FHIT: variants seen among roughly 807,000 people sequenced by gnomAD.
FHIT encodes bis(5'-adenosyl)-triphosphatase.
FHIT carries 19 observed loss-of-function variants against 17.9 expected under a neutral mutation model. The ratio of observed to expected loss-of-function variants is 1.06; its 90% CI spans 0.74 to 1.56. The LOEUF is 1.56. Among genes scored for constraint, FHIT ranks in the 40% most tolerant of loss-of-function variants. The pLI is 0.00. For synonymous variants in FHIT, 81 were observed against 69.7 expected (o/e 1.16, Z -0.81); for missense variants, 248 against 189.2 (o/e 1.31, Z -1.82).
At chr3:60,853,586 G>A (rs1575599156) in intron 3 of FHIT, among the ~76,000 whole-genome samples, 1 of 152,066 alleles carries the variant, frequency 6.6e-6, no homozygotes, top group Non-Finnish European at 1.5e-5. Flanking sequence ...TCTTCTGAGG[G>A]ATAATAAATT....
At chr3:60,857,465 C>T (rs1368735269) in intron 3 of FHIT, among the ~76,000 whole-genome samples, 1 of 152,076 alleles carries the variant, frequency 6.6e-6, no homozygotes, top group Non-Finnish European at 1.5e-5. Flanking sequence ...CCTTAGTTTC[C>T]TCATCTTTAA....
chr3:60,668,231 T>C (rs1553692941), intron 4 of FHIT, among the ~76,000 whole-genome samples: 1 of 151,650 alleles, frequency 6.6e-6, no homozygotes, highest in South Asian at 2.1e-4. Flanking sequence ...TATTTCTTGG[T>C]GGAAAGGGAG....
intron 5 of FHIT, among the ~76,000 whole-genome samples, chr3:60,131,756 G>A (rs1415188620): frequency 6.6e-6 from 1 of 152,050 alleles, no homozygotes; most frequent in African/African-American, 2.4e-5. Flanking sequence ...CCCTACTGCT[G>A]AGACAGCAGC....
intron 7 of FHIT, among the ~76,000 whole-genome samples, chr3:60,001,552 G>C (rs1054324648): frequency 1.3e-5 from 2 of 152,170 alleles, no homozygotes; most frequent in Admixed American, 1.3e-4. Flanking sequence ...AGATCAGAGC[G>C]ATTCAGAACT....
intron 5 of FHIT, among the ~76,000 whole-genome samples, chr3:60,525,043 T>G (rs896078773): frequency 6.6e-6 from 1 of 152,186 alleles, no homozygotes; most frequent in East Asian, 1.9e-4. Context: ...AGTAGGAACC[T>G]TGTCAATCAC....
intron 5 of FHIT, among the ~76,000 whole-genome samples, chr3:60,065,546 A>G (rs1176391785): frequency 6.6e-6 from 1 of 152,192 alleles, no homozygotes; most frequent in Non-Finnish European, 1.5e-5. Context: ...CTGGAATGCT[A>G]TAACAGGAAA....
chr3:60,073,437 A>C (rs1489103408), intron 5 of FHIT, among the ~76,000 whole-genome samples: 1 of 152,112 alleles, frequency 6.6e-6, no homozygotes, highest in Admixed American at 6.6e-5. Context: ...TGGGACAACA[A>C]ACAGCCCCAG....
intron 4 of FHIT, among the ~76,000 whole-genome samples, chr3:60,564,340 C>T (rs977373139): frequency 6.6e-6 from 1 of 152,140 alleles, no homozygotes; most frequent in Non-Finnish European, 1.5e-5. Flanking sequence ...TAGAGATGTA[C>T]AAGGAGATGA....
At chr3:60,348,941 A>G (rs1710935637) in intron 5 of FHIT, among the ~76,000 whole-genome samples, 1 of 152,208 alleles carries the variant, frequency 6.6e-6, no homozygotes, top group African/African-American at 2.4e-5. Context: ...TAACCCTGAC[A>G]TGTGATTGAA....
At chr3:61,022,104 C>A (rs561329893) in intron 3 of FHIT, among the ~76,000 whole-genome samples, 1 of 151,708 alleles carries the variant, frequency 6.6e-6, no homozygotes, top group Non-Finnish European at 1.5e-5. Context: ...GCTAGCCAGA[C>A]TAATAAAGAA....
intron 1 of FHIT, among the ~76,000 whole-genome samples, chr3:61,222,103 C>A (rs2039855249): frequency 6.6e-6 from 1 of 152,248 alleles, no homozygotes; most frequent in Admixed American, 6.5e-5. Flanking sequence ...AACTCTCCAT[C>A]TGGAAGACTC....
intron 3 of FHIT, among the ~76,000 whole-genome samples, chr3:60,834,128 T>C (rs1465337894): frequency 6.6e-6 from 1 of 152,202 alleles, no homozygotes. Context: ...TAAGCTTTTG[T>C]TTACTTGGGA....
At chr3:60,271,990 G>A (rs1159626794) in intron 5 of FHIT, among the ~76,000 whole-genome samples, 2 of 152,172 alleles carry the variant, frequency 1.3e-5, no homozygotes, top group South Asian at 2.1e-4. Flanking sequence ...CTGAGGCACA[G>A]AGACCTGTCC....
chr3:61,130,148 T>C (rs1394623997), intron 2 of FHIT, among the ~76,000 whole-genome samples: 6 of 151,948 alleles, frequency 3.9e-5, no homozygotes, highest in African/African-American at 1.4e-4. Flanking sequence ...TACTAAAATA[T>C]AGTACAAGAA....
chr3:59,783,371 A>G (rs1352909939), intron 8 of FHIT, among the ~76,000 whole-genome samples: 3 of 152,166 alleles, frequency 2.0e-5, no homozygotes, highest in African/African-American at 7.2e-5. Flanking sequence ...CGGGAGGCTG[A>G]GGCAGGAGAA....
At chr3:60,601,119 C>G (rs2038431987) in intron 4 of FHIT, among the ~76,000 whole-genome samples, 1 of 152,194 alleles carries the variant, frequency 6.6e-6, no homozygotes, top group African/African-American at 2.4e-5. Context: ...AGCCCAAAGA[C>G]TGCAACAATG....
chr3:60,555,094 A>G (rs946859704), intron 4 of FHIT, among the ~76,000 whole-genome samples: 4 of 152,250 alleles, frequency 2.6e-5, no homozygotes, highest in African/African-American at 7.2e-5. Flanking sequence ...TTAGAAGTAT[A>G]TAATGCACAT....
intron 5 of FHIT, among the ~76,000 whole-genome samples, chr3:60,425,292 T>C (rs1363982779): frequency 6.6e-6 from 1 of 152,158 alleles, no homozygotes; most frequent in Non-Finnish European, 1.5e-5. Context: ...TGATTTTGTT[T>C]AATTCTTTAC....
intron 4 of FHIT, among the ~76,000 whole-genome samples, chr3:60,630,679 T>C (rs2107771520): frequency 6.6e-6 from 1 of 152,214 alleles, no homozygotes; most frequent in African/African-American, 2.4e-5. Flanking sequence ...GCCCATCCAC[T>C]CAACACTTAC....
Sources: allele counts gnomAD v4.1 joint callset (sites outside exome capture counted in the v4.1 genomes callset), GRCh38; gene constraint gnomAD v4.1.1; transcripts MANE v1.5; gene names NCBI Gene and HGNC (gene_info 2026-07-23, HGNC 2026-07-21).